The following CFAP74 variants were observed in gnomAD, a reference collection of about 807,000 sequenced individuals.
The protein encoded by CFAP74 is cilia and flagella associated protein 74.
In CFAP74, 124 loss-of-function variants were observed where a neutral mutation model predicts 188.9. The ratio of observed to expected loss-of-function variants is 0.66; its 90% CI spans 0.57 to 0.76. The LOEUF (loss-of-function observed/expected upper bound fraction) is 0.76. Among genes scored for constraint, CFAP74 ranks in the 30% least tolerant of loss-of-function variants. The pLI is 0.00. For synonymous variants in CFAP74, 956 were observed against 916.7 expected (o/e 1.04, Z -0.77); for missense variants, 2,198 against 2,165.2 (o/e 1.02, Z -0.30).
chr1:1,935,404 ATGTG>A (rs1186725591), intron 25 of CFAP74, among the ~76,000 whole-genome samples: 1 of 60,548 alleles, frequency 1.7e-5, no homozygotes. Context: ...ACACGTCTGT[ATGTG>A]TGGGTGTTAG....
chr1:1,941,373 G>A (rs963512781), intron 22 of CFAP74, among the ~76,000 whole-genome samples: 8 of 152,174 alleles, frequency 5.3e-5, no homozygotes, highest in Non-Finnish European at 7.3e-5. Context: ...GGCTGGGATC[G>A]GACACAGGAC....
At chr1:1,949,024 TTCTCTCCCTCCC>T (rs1654019369) in intron 18 of CFAP74, among the ~76,000 whole-genome samples, 1 of 99,690 alleles carries the variant, frequency 1.0e-5, no homozygotes, top group African/African-American at 4.3e-5. Context: ...CCTTCCTTCC[TTCTCTCCCTCCC>T]TCCTTCCTTC....
chr1:1,939,864 C>T (rs1653242171), intron 23 of CFAP74, 97 bp from the exon 24 acceptor site: 1 of 1,182,966 alleles, frequency 8.5e-7, no homozygotes, highest in Admixed American at 2.1e-5. Flanking sequence ...TGCCTTGTGG[C>T]CATGGCCCAC....
intron 9 of CFAP74, among the ~76,000 whole-genome samples, chr1:1,971,115 A>G (rs1282425558): frequency 2.0e-5 from 3 of 149,050 alleles, no homozygotes; most frequent in Admixed American, 1.3e-4. Context: ...GTGTGCACAC[A>G]CATGCTCACA....
intron 21 of CFAP74, among the ~76,000 whole-genome samples, chr1:1,943,891 C>T (rs964535078): frequency 6.6e-6 from 1 of 152,226 alleles, no homozygotes; most frequent in Non-Finnish European, 1.5e-5. Flanking sequence ...CCTTTCACAG[C>T]CTCTAGAAGC....
At chr1:1,970,213 C>T (rs957963551) in intron 10 of CFAP74, among the ~76,000 whole-genome samples, 3 of 152,210 alleles carry the variant, frequency 2.0e-5, no homozygotes, top group Non-Finnish European at 4.4e-5. Context: ...GCCCCAAGGC[C>T]GTGGCAGCAG....
intron 6 of CFAP74, chr1:1,983,694 T>C (rs1657048061): frequency 6.6e-6 from 1 of 152,282 alleles, no homozygotes; most frequent in Admixed American, 6.5e-5. Flanking sequence ...ACTTTATTTA[T>C]TTATTTATTT....
At chr1:1,930,817 A>G (rs1255173452) in intron 25 of CFAP74, among the ~76,000 whole-genome samples, 1 of 152,174 alleles carries the variant, frequency 6.6e-6, no homozygotes, top group Non-Finnish European at 1.5e-5. Context: ...CGTTTTAAAA[A>G]CGGATCTTTT....
chr1:1,927,741 T>G lies in CFAP74; in HGVS notation c.3393A>C (p.Arg1131=), dbSNP rs1652027707. 9 of 1,549,740 alleles carry G rather than the reference T, an allele frequency of 5.8e-6. No individual in the cohort carries two copies. The Admixed American group carries it at 1.4e-4, about 24-fold the overall frequency. Residue 1131 remains arginine (R), a synonymous_variant, in exon 28 of 39, where the codon CGA becomes CGC. Transcript: ENST00000682832. ...CCTTCCTCTGGGGGGCCATATTCTTTCGGAACTGTGGGGGGAGCGACTGGC... is the reference window on the plus strand; with the variant it reads ...CCTTCCTCTGGGGGGCCATATTCTTGCGGAACTGTGGGGGGAGCGACTGGC... ...LNKEMETKSF[R]KNMAPQRKDL...
Position 1,926,241 on chromosome 1 carries a change from TG to T in CFAP74, c.3934del (p.His1312ThrfsTer31). The T allele has an allele frequency of 6.6e-7, 1 of 1,516,336 alleles. No homozygotes were observed. The highest frequency in any genetic ancestry group is 1.4e-5 in the African/African-American group (1 of 72,338). 93.9% of individuals were successfully genotyped at this position (1,516,336 alleles called of 1,614,324 possible). ...CCTGGGACTCACCAGGATGCTCTCG[TG>T]GGGAGAGAAGGAAAGCACCAGGACC... Reference protein sequence around the residue: ...TQVLVLSFSPHESILAQETLD... With the variant: ...TQVLVLSFSPXESILAQETLD... On this transcript the variant is annotated frameshift_variant, in exon 32 of 39. Transcript: ENST00000682832. LOFTEE classifies it high-confidence loss of function.
At chr1:1,948,917 T>TCCTC (rs1653981730) in intron 18 of CFAP74, among the ~76,000 whole-genome samples, 1 of 122,938 alleles carries the variant, frequency 8.1e-6, no homozygotes, top group Admixed American at 8.0e-5. Context: ...CTTCCTTCCC[T>TCCTC]TTCCTTCCTT....
At chr1:1,993,078 GTAGTC>G (rs2102112850) in intron 1 of CFAP74, among the ~76,000 whole-genome samples, 1 of 151,084 alleles carries the variant, frequency 6.6e-6, no homozygotes, top group East Asian at 2.1e-4. Context: ...GCAGGCACCT[GTAGTC>G]CCAGCTACTT....
chr1:1,923,110 C>T lies in CFAP74; in HGVS notation c.4558G>A (p.Glu1520Lys). Reference protein sequence around the residue: ...SRPGPLSPEAEELRPILVTLD... With the variant: ...SRPGPLSPEAKELRPILVTLD... ...GTCACCAGGATGGGCCTCAGCTCCT[C>T]AGCTTCTGGAGAGAGAGGGCCTGGC... is the stretch of plus-strand genomic sequence containing the variant. The change falls in exon 37 of 39, where the codon GAG becomes AAG. Residue 1520 changes from glutamate to lysine, a missense_variant. By Grantham distance (56) the Glu-to-Lys change is moderately conservative. Coordinates refer to ENST00000682832, the MANE Select transcript of CFAP74 (RefSeq NM_001304360.2). This position sits in a 1 kb window ranked among gnomAD's most constrained non-coding sequence, Gnocchi z 6.3. 1 of 1,610,116 alleles carries T rather than the reference C, an allele frequency of 6.2e-7. No homozygotes were observed. The highest frequency in any genetic ancestry group is 8.5e-7 in the Non-Finnish European group (1 of 1,179,172).
chr1:1,995,983 TG>T (rs1158308982), intron 1 of CFAP74, among the ~76,000 whole-genome samples: 1 of 151,498 alleles, frequency 6.6e-6, no homozygotes, highest in Non-Finnish European at 1.5e-5. Context: ...TAACTTTTTT[TG>T]TTTTTGTTTT....
rs1431097227 is a variant in CFAP74, at chr1:1,927,000, T to G, written c.3556A>C (p.Thr1186Pro). The G allele has an allele frequency of 6.5e-7, 1 of 1,550,170 alleles. No homozygotes were observed. The highest frequency in any genetic ancestry group is 1.2e-5 in the South Asian group (1 of 84,066). Residue 1186 changes from threonine to proline, a missense_variant, in exon 29 of 39, where the codon ACC becomes CCC. Thr to Pro is a conservative substitution (Grantham distance 38). Coordinates refer to ENST00000682832, the MANE Select transcript of CFAP74 (RefSeq NM_001304360.2). ...SSDEYQAARA[T>P]LLRAFQAKFD... ...TTCGCCTGGAACGCTCTGAGCAGGG[T>G]GGCTCGGGCGGCCTGGTACTCGTCG...
chr1:1,997,142 G>T (rs1202227268), intron 1 of CFAP74, among the ~76,000 whole-genome samples: 1 of 152,104 alleles, frequency 6.6e-6, no homozygotes, highest in Admixed American at 6.5e-5. Context: ...ATAAAAGGCG[G>T]CCGGGCGCGG....
In CFAP74 at chr1:1,938,729, C is replaced by T. The variant is rs937930183; in HGVS notation, c.3011+126G>A. The T allele has an allele frequency of 4.3e-6, 5 of 1,158,940 alleles. No individual in the cohort carries two copies. In the African/African-American group the frequency reaches 7.7e-5, roughly 18 times the overall value. The allele number at this position is 1,158,940 out of a possible 1,614,324, so 71.8% of individuals were successfully genotyped here. On this transcript the variant is annotated intron_variant, in intron 25 of 38. Coordinates refer to ENST00000682832, the MANE Select transcript of CFAP74 (RefSeq NM_001304360.2). ...GTTCCTGCTGGCCGGCAGTGCTGCC[C>T]AGCCCAGCCCTGTGGTCAGCCAGGC...
rs1383059188 is a variant in CFAP74, at chr1:1,930,172, C to T, written c.3176G>A (p.Arg1059His). The change falls in exon 26 of 39, where the codon CGC (arginine) becomes CAC (histidine). Residue 1059 changes from arginine to histidine, a missense_variant. Coordinates refer to ENST00000682832, the MANE Select transcript of CFAP74 (RefSeq NM_001304360.2). ...GGGAGAGGCGTCCTCTGAGCCAATG[C>T]GGGGCTTGGAGTGGGTCGGTGAGCT... Reference protein sequence around the residue: ...SMSSPTHSKPRIGSEDASPMG... With the variant: ...SMSSPTHSKPHIGSEDASPMG... 1.3e-5 allele frequency: 20 copies of T among 1,535,534 alleles called. No individual in the cohort carries two copies. The highest frequency in any genetic ancestry group is 8.2e-5 in the African/African-American group (6 of 73,018).
chr1:1,925,435 G>A (rs1439416358), intron 33 of CFAP74, among the ~76,000 whole-genome samples: 1 of 152,150 alleles, frequency 6.6e-6, no homozygotes, highest in Non-Finnish European at 1.5e-5. Context: ...GCCCCCGGTG[G>A]CTGAGCTGAG....
Sources: allele counts gnomAD v4.1 joint callset (sites outside exome capture counted in the v4.1 genomes callset), GRCh38; gene constraint gnomAD v4.1.1; non-coding constraint Gnocchi (gnomAD v3.1); transcripts MANE v1.5; gene names NCBI Gene and HGNC (gene_info 2026-07-23, HGNC 2026-07-21).